PC: variants seen among roughly 807,000 people sequenced by gnomAD.
PC encodes the protein pyruvate carboxylase, mitochondrial.
PC carries 46 observed loss-of-function variants against 107.8 expected under a neutral mutation model. That is an observed-to-expected ratio of 0.43 (90% CI 0.34 to 0.55). PC has a LOEUF of 0.55. Among genes scored for constraint, PC ranks in the 20% least tolerant of loss-of-function variants. The pLI, the probability that PC is intolerant of heterozygous loss-of-function variation, is 0.04. For missense variants in PC, 1,241 were observed against 1,643.1 expected (o/e 0.76, Z 4.23); for synonymous variants, 662 against 684.7 (o/e 0.97, Z 0.52).
At chr11:66,897,497 G>A (rs927265613) in intron 3 of PC, among the ~76,000 whole-genome samples, 10 of 152,214 alleles carry the variant, frequency 6.6e-5, no homozygotes, top group South Asian at 4.1e-4. Context: ...GCTTAAACCC[G>A]GGAGGCAGAG....
intron 12 of PC, among the ~76,000 whole-genome samples, chr11:66,856,280 C>G (rs1285808860): frequency 6.6e-6 from 1 of 152,254 alleles, no homozygotes; most frequent in African/African-American, 2.4e-5. Context: ...TGCGTGCCCC[C>G]GGCGGTTGGG....
rs1183625572 is a variant in PC, at chr11:66,857,647, A to C, written c.1369-4264T>G. 7.4e-7 allele frequency: 1 copy of C among 1,348,576 alleles called. No individual in the cohort carries two copies. Among genetic ancestry groups the C allele is most frequent in the Admixed American group, 2.6e-5 (1 of 38,670 alleles). 83.5% of individuals were successfully genotyped at this position (1,348,576 alleles called of 1,614,324 possible). A position where few individuals can be genotyped will look rare whatever the true frequency, so the allele number is the denominator to read the frequency against. ...CCCAGCCCCTCCCCGGGCCAGGCTC[A>C]CAGAAGCTGGCTTCTGGGACTGTCC... On this transcript the variant is annotated intron_variant, in intron 12 of 22. Coordinates refer to ENST00000393960, the MANE Select transcript of PC (RefSeq NM_001040716.2). The surrounding 1 kb of genome is among the most constrained non-coding windows in gnomAD (Gnocchi z 7.1).
chr11:66,946,583 C>T (rs926060755), intron 3 of PC, among the ~76,000 whole-genome samples: 3 of 151,988 alleles, frequency 2.0e-5, no homozygotes, highest in African/African-American at 4.8e-5. Flanking sequence ...ATCATGAAAC[C>T]GCATTCCAGC....
chr11:66,873,471 A>AT (rs1946838219), intron 3 of PC, among the ~76,000 whole-genome samples: 1 of 76,708 alleles, frequency 1.3e-5, no homozygotes, highest in African/African-American at 5.1e-5. Context: ...TATTATATAT[A>AT]ATATAATATA....
rs1007057379 is a variant in PC at position 66,947,388 on chromosome 11, T to G, written c.-1+5042A>C. On this transcript the variant is annotated intron_variant, in intron 3 of 22. Coordinates refer to ENST00000393960, the MANE Select transcript of PC (RefSeq NM_001040716.2). Reference sequence around the variant, plus strand: ...CACAAGGTCAGGAGATCAAGACCATTCTGGCTAACACAGTGAAACCCCGTC... The same window carrying G: ...CACAAGGTCAGGAGATCAAGACCATGCTGGCTAACACAGTGAAACCCCGTC... 4.0e-5 allele frequency among the ~76,000 whole-genome samples: 6 copies of G among 150,816 alleles called. No individual in the cohort carries two copies. The Admixed American group carries it at 4.0e-4, about 10-fold the overall frequency.
At chr11:66,920,158 A>T (rs1948560181) in intron 3 of PC, among the ~76,000 whole-genome samples, 1 of 152,106 alleles carries the variant, frequency 6.6e-6, no homozygotes, top group Admixed American at 6.5e-5. Context: ...GGCACAGAGG[A>T]GGGGAGGAGG....
chr11:66,895,605 G>C (rs1428946795), intron 3 of PC, among the ~76,000 whole-genome samples: 1 of 151,850 alleles, frequency 6.6e-6, no homozygotes, highest in African/African-American at 2.4e-5. Flanking sequence ...AAAGCTCTTG[G>C]AAATTAAAAA....
At position 66,922,805 on chromosome 11, in the gene PC, C is replaced by T. The variant is rs74403329; in HGVS notation, c.-1+29625G>A. Among the ~76,000 whole-genome samples the T allele has an allele frequency of 2.1e-3, 327 of 152,314 alleles. 1 individual carries two copies. Among genetic ancestry groups the T allele is most frequent in the African/African-American group, 7.6e-3 (315 of 41,570 alleles). On this transcript the variant is annotated intron_variant, in intron 3 of 22. Transcript: ENST00000393960. ...GAGATGGCTCATTAGTTTCACTTCA[C>T]TTCTTAGGCTTTAACCCTGACTCTG...
intron 3 of PC, among the ~76,000 whole-genome samples, chr11:66,947,114 G>C (rs1007173438): frequency 2.6e-5 from 4 of 152,022 alleles, no homozygotes; most frequent in Admixed American, 6.6e-5. Flanking sequence ...GCTACCACAG[G>C]ATCCAGCCAC....
chr11:66,936,945 C>T (rs1949016097), intron 3 of PC, among the ~76,000 whole-genome samples: 1 of 152,068 alleles, frequency 6.6e-6, no homozygotes, highest in Non-Finnish European at 1.5e-5. Context: ...GTTCAAGCAA[C>T]GATTCTCGTG....
At chr11:66,907,498 G>A (rs1467959169) in intron 3 of PC, among the ~76,000 whole-genome samples, 1 of 152,198 alleles carries the variant, frequency 6.6e-6, no homozygotes, top group Non-Finnish European at 1.5e-5. Context: ...CCGCACTCCA[G>A]CCTGGATGAC....
chr11:66,858,896 C>A lies in PC; in HGVS notation c.1368+4878G>T. 6.4e-7 allele frequency: 1 copy of A among 1,560,164 alleles called. No individual in the cohort carries two copies. Among genetic ancestry groups the A allele is most frequent in the Non-Finnish European group, 8.7e-7 (1 of 1,151,872 alleles). On this transcript the variant is annotated intron_variant, in intron 12 of 22. Coordinates refer to ENST00000393960, the MANE Select transcript of PC (RefSeq NM_001040716.2). This position sits in a 1 kb window ranked among gnomAD's most constrained non-coding sequence, Gnocchi z 5.9. ...ACAGCAGTGCCGAGGGGGGCCGCCC[C>A]GGGCCCTCGGACATCGCCGCCTCCG...
chr11:66,924,951 T>C (rs938420156), intron 3 of PC, among the ~76,000 whole-genome samples: 1 of 152,090 alleles, frequency 6.6e-6, no homozygotes, highest in Non-Finnish European at 1.5e-5. Flanking sequence ...AAGCTGGGTG[T>C]CCAGGGGAGA....
At chr11:66,931,948 G>A (rs1948866124) in intron 3 of PC, among the ~76,000 whole-genome samples, 1 of 151,782 alleles carries the variant, frequency 6.6e-6, no homozygotes, top group East Asian at 1.9e-4. Flanking sequence ...GAACCCGGGA[G>A]GCGGAGCTTG....
rs202213608 is a variant in PC, at chr11:66,858,321, G to T, written c.1369-4938C>A. On this transcript the variant is annotated intron_variant, in intron 12 of 22. Coordinates refer to ENST00000393960, the MANE Select transcript of PC (RefSeq NM_001040716.2). This position sits in a 1 kb window ranked among gnomAD's most constrained non-coding sequence, Gnocchi z 5.9. ...GCCCCCAGGCGCCTTCGCCCAGCTC[G>T]GTCAGCTCTCCCGCCTGGACCTCAC... 2 of 1,608,066 alleles carry T rather than the reference G, an allele frequency of 1.2e-6. No homozygotes were observed. The highest frequency in any genetic ancestry group is 8.5e-7 in the Non-Finnish European group (1 of 1,178,974).
chr11:66,876,836 A>G (rs2135965565), intron 3 of PC, among the ~76,000 whole-genome samples: 1 of 152,326 alleles, frequency 6.6e-6, no homozygotes, highest in Non-Finnish European at 1.5e-5. Context: ...GTTACCACAT[A>G]GGGCAAAGTC....
intron 3 of PC, among the ~76,000 whole-genome samples, chr11:66,950,549 G>C (rs115305772): frequency 0.014 from 2,097 of 152,242 alleles, 43 homozygotes; most frequent in African/African-American, 0.048. Context: ...GAAGAGGAGG[G>C]GAGGGTGACA....
chr11:66,902,201 T>C (rs966020928), intron 3 of PC, among the ~76,000 whole-genome samples: 2 of 152,206 alleles, frequency 1.3e-5, no homozygotes, highest in Non-Finnish European at 2.9e-5. Flanking sequence ...TAGGAGAACA[T>C]ATCTTCATAG....
Position 66,870,715 on chromosome 11 carries a change from G to A in PC, c.751+60C>T. On this transcript the variant is annotated intron_variant, in intron 8 of 22. Transcript: ENST00000393960. This position sits in a 1 kb window ranked among gnomAD's most constrained non-coding sequence, Gnocchi z 6.1. ...AAGGCCAGCCACTGTGACGGCACCA[G>A]GACTGGGCCTCTCAGCTCCCGCCTC... 1 of 1,489,756 alleles carries A rather than the reference G, an allele frequency of 6.7e-7. No homozygotes were observed. The highest frequency in any genetic ancestry group is 1.1e-5 in the South Asian group (1 of 88,774). 92.3% of individuals were successfully genotyped at this position (1,489,756 alleles called of 1,614,324 possible).
Sources: gnomAD v4.1 joint callset for allele counts (sites outside exome capture counted in the v4.1 genomes callset) on GRCh38, gnomAD v4.1.1 for gene constraint, Gnocchi (gnomAD v3.1) non-coding constraint, MANE v1.5 for transcripts, NCBI Gene and HGNC (gene_info 2026-07-23, HGNC 2026-07-21) for gene names.